HPSE2: variants seen among roughly 807,000 people sequenced by gnomAD.
The protein encoded by HPSE2 is inactive heparanase-2.
In HPSE2, 38 loss-of-function variants were observed where a neutral mutation model predicts 60.5. That is an observed-to-expected ratio of 0.63 (90% CI 0.48 to 0.82). The LOEUF (loss-of-function observed/expected upper bound fraction) is 0.82, where lower values mean the gene tolerates loss of function less well. HPSE2 is among the 40% of genes least tolerant of loss of function. The pLI, the probability that HPSE2 is intolerant of heterozygous loss-of-function variation, is 0.00. For synonymous variants in HPSE2, 295 were observed against 293.2 expected (o/e 1.01, Z -0.06); for missense variants, 713 against 740.4 (o/e 0.96, Z 0.43).
intron 5 of HPSE2, among the ~76,000 whole-genome samples, chr10:98,695,134 A>T (rs1221241555): frequency 1.3e-5 from 2 of 152,198 alleles, no homozygotes; most frequent in African/African-American, 4.8e-5. Context: ...AGGAGTACAT[A>T]AGAGAAACAT....
the HPSE2 span, among the ~76,000 whole-genome samples, chr10:99,305,961 ACGCG>A: frequency 1.4e-3 from 147 of 103,010 alleles, 2 homozygotes; most frequent in African/African-American, 5.1e-3. Context: ...ACTCACACAC[ACGCG>A]CGCGCGCGCG....
chr10:98,706,774 A>G (rs1948558489), intron 5 of HPSE2, among the ~76,000 whole-genome samples: 1 of 152,186 alleles, frequency 6.6e-6, no homozygotes, highest in South Asian at 2.1e-4. Flanking sequence ...AAGTAAGGGA[A>G]TGGCAGGAGG....
chr10:98,781,241 C>T (rs1037124388), intron 3 of HPSE2, among the ~76,000 whole-genome samples: 2 of 150,714 alleles, frequency 1.3e-5, no homozygotes, highest in Non-Finnish European at 2.9e-5. Context: ...CCAAAATTTC[C>T]ACAAGCCTCT....
intron 3 of HPSE2, among the ~76,000 whole-genome samples, chr10:98,925,186 T>C (rs1462173626): frequency 6.6e-6 from 1 of 152,210 alleles, no homozygotes; most frequent in African/African-American, 2.4e-5. Flanking sequence ...GAATATGACG[T>C]TAAATCCAAG....
At chr10:98,684,366 G>A (rs763125209) in intron 6 of HPSE2, among the ~76,000 whole-genome samples, 5 of 152,028 alleles carry the variant, frequency 3.3e-5, no homozygotes, top group Non-Finnish European at 7.4e-5. Context: ...TACTACTCTG[G>A]TACAGTTTAG....
chr10:98,731,837 T>A (rs1237389111), intron 4 of HPSE2, among the ~76,000 whole-genome samples: 1 of 152,164 alleles, frequency 6.6e-6, no homozygotes, highest in Non-Finnish European at 1.5e-5. Context: ...AGCAAAACTG[T>A]TATTATTCTC....
intron 3 of HPSE2, among the ~76,000 whole-genome samples, chr10:99,111,807 C>A (rs1844473707): frequency 6.6e-6 from 1 of 152,152 alleles, no homozygotes; most frequent in Non-Finnish European, 1.5e-5. Context: ...ACTTTTAGTA[C>A]CACTTCCTTT....
intron 3 of HPSE2, among the ~76,000 whole-genome samples, chr10:99,029,748 C>T (rs375473126): frequency 1.1e-4 from 16 of 152,294 alleles, no homozygotes; most frequent in African/African-American, 3.6e-4. Flanking sequence ...GGAGTGTGAC[C>T]GTTGAAGCAC....
chr10:99,083,129 G>C (rs574730124), intron 3 of HPSE2, among the ~76,000 whole-genome samples: 1 of 152,174 alleles, frequency 6.6e-6, no homozygotes, highest in Non-Finnish European at 1.5e-5. Context: ...GTTTCATTTA[G>C]AGAAGCCAAG....
intron 9 of HPSE2, among the ~76,000 whole-genome samples, chr10:98,492,579 G>C (rs1941694207): frequency 6.7e-6 from 1 of 150,256 alleles, no homozygotes; most frequent in African/African-American, 2.4e-5. Flanking sequence ...TAATTATGTA[G>C]AGATAAAAAA....
At chr10:99,092,355 AATCAGGTCAGT>A (rs1183799185) in intron 3 of HPSE2, among the ~76,000 whole-genome samples, 1 of 152,214 alleles carries the variant, frequency 6.6e-6, no homozygotes, top group Non-Finnish European at 1.5e-5. Flanking sequence ...TAGCATTAAT[AATCAGGTCAGT>A]AAGTATTGTG....
chr10:99,264,458 C>G, the HPSE2 span, among the ~76,000 whole-genome samples: 2 of 152,200 alleles, frequency 1.3e-5, no homozygotes, highest in South Asian at 4.2e-4. Flanking sequence ...TCCAAAATCA[C>G]CAAGGCCCTG....
intron 9 of HPSE2, among the ~76,000 whole-genome samples, chr10:98,526,115 C>T (rs1400653871): frequency 6.6e-6 from 1 of 152,126 alleles, no homozygotes; most frequent in East Asian, 1.9e-4. Context: ...CTATTTCTAG[C>T]CTGCTAGTAT....
At chr10:99,133,524 G>T (rs138767570) in intron 3 of HPSE2, among the ~76,000 whole-genome samples, 120 of 152,318 alleles carry the variant, frequency 7.9e-4, no homozygotes, top group Non-Finnish European at 1.4e-3. Context: ...CCTCTGGGAA[G>T]AAGCTTCCAG....
At chr10:99,199,636 T>C (rs545514909) in intron 2 of HPSE2, among the ~76,000 whole-genome samples, 59 of 152,164 alleles carry the variant, frequency 3.9e-4, no homozygotes, top group Non-Finnish European at 7.1e-4. Flanking sequence ...CTTTGGTCTA[T>C]ATGTCTGTCT....
chr10:98,753,990 T>C (rs1323199915), intron 3 of HPSE2, among the ~76,000 whole-genome samples: 1 of 152,168 alleles, frequency 6.6e-6, no homozygotes, highest in African/African-American at 2.4e-5. Context: ...TTCCCAGCAA[T>C]GGTTCTTAAC....
chr10:98,461,872 A>C, intron 11 of HPSE2: 1 of 1,299,534 alleles, frequency 7.7e-7, no homozygotes, highest in Non-Finnish European at 1.1e-6. Flanking sequence ...ATCTATACTA[A>C]TAAGGAGTAG....
intron 3 of HPSE2, among the ~76,000 whole-genome samples, chr10:98,884,959 G>A (rs1953125542): frequency 2.0e-5 from 3 of 152,142 alleles, no homozygotes; most frequent in Non-Finnish European, 4.4e-5. Context: ...ATTTTGTAAG[G>A]CCAGAACTGC....
intron 4 of HPSE2, among the ~76,000 whole-genome samples, chr10:98,724,819 T>G (rs1949027486): frequency 6.6e-6 from 1 of 152,066 alleles, no homozygotes; most frequent in East Asian, 1.9e-4. Flanking sequence ...TGTGCAAAAA[T>G]CACAAGCATT....
Sources: gnomAD v4.1 joint callset for allele counts (sites outside exome capture counted in the v4.1 genomes callset) on GRCh38, gnomAD v4.1.1 for gene constraint, MANE v1.5 for transcripts, NCBI Gene and HGNC (gene_info 2026-07-23, HGNC 2026-07-21) for gene names.